Variants in SNAPC1 observed in about 807,000 individuals in gnomAD.
The protein encoded by SNAPC1 is snRNA-activating protein complex subunit 1.
A neutral mutation model predicts 50.1 loss-of-function variants in SNAPC1; 42 were observed. That is an observed-to-expected ratio of 0.84 (90% CI 0.65 to 1.08). The LOEUF (loss-of-function observed/expected upper bound fraction) is 1.08, where lower values mean the gene tolerates loss of function less well. Ranked by LOEUF, SNAPC1 falls within the 50% of genes least tolerant of loss-of-function variation. The pLI, the probability that SNAPC1 is intolerant of heterozygous loss-of-function variation, is 0.00. For missense variants in SNAPC1, 477 were observed against 427.3 expected (o/e 1.12, Z -1.02); for synonymous variants, 164 against 144.2 (o/e 1.14, Z -0.98).
chr14:61,778,108 GA>G lies in SNAPC1; in HGVS notation c.736del (p.Met246TrpfsTer17). Reference sequence around the variant, plus strand: ...AAAGTCAAAAACTAATGATGGAGAAGAAAAAATGGAAGGAAATTCACAAGAA... The same window carrying G: ...AAAGTCAAAAACTAATGATGGAGAAGAAAAATGGAAGGAAATTCACAAGAA... ...SLKSKTNDGE[E>X]KMEGNSQETE... On this transcript the variant is annotated frameshift_variant, in exon 6 of 10. Coordinates refer to ENST00000216294, the MANE Select transcript of SNAPC1 (RefSeq NM_003082.4). LOFTEE classifies it high-confidence loss of function. 6.2e-7 allele frequency: 1 copy of G among 1,603,274 alleles called. No homozygotes were observed. The highest frequency in any genetic ancestry group is 8.5e-7 in the Non-Finnish European group (1 of 1,174,608).
At chr14:61,790,890 C>G (rs1401569216) in intron 8 of SNAPC1, among the ~76,000 whole-genome samples, 1 of 152,176 alleles carries the variant, frequency 6.6e-6, no homozygotes, top group Non-Finnish European at 1.5e-5. Context: ...CAGTAGTGGT[C>G]TATTACTGAT....
At chr14:61,784,224 T>C (rs2045098784) in intron 8 of SNAPC1, among the ~76,000 whole-genome samples, 1 of 152,182 alleles carries the variant, frequency 6.6e-6, no homozygotes, top group South Asian at 2.1e-4. Context: ...CTAAAGGATA[T>C]TGTGAAGAAA....
chr14:61,769,054 C>G, intron 4 of SNAPC1, among the ~76,000 whole-genome samples: 1 of 152,058 alleles, frequency 6.6e-6, no homozygotes, highest in Non-Finnish European at 1.5e-5. Flanking sequence ...ACTTTACTTA[C>G]TTTTTTAAAA....
intron 8 of SNAPC1, among the ~76,000 whole-genome samples, chr14:61,792,073 A>G (rs369745653): frequency 6.6e-6 from 1 of 151,326 alleles, no homozygotes; most frequent in African/African-American, 2.4e-5. Context: ...ACTGCACTGC[A>G]GCCTGGGTGA....
At chr14:61,769,226 C>T (rs1034290561) in intron 4 of SNAPC1, among the ~76,000 whole-genome samples, 6 of 151,704 alleles carry the variant, frequency 4.0e-5, no homozygotes, top group Admixed American at 1.3e-4. Context: ...GGCATGGTGG[C>T]GCACGTCTGT....
At chr14:61,763,614 G>A (rs2044925430) in intron 1 of SNAPC1, among the ~76,000 whole-genome samples, 1 of 151,804 alleles carries the variant, frequency 6.6e-6, no homozygotes, top group South Asian at 2.1e-4. Flanking sequence ...ACATCCTCGG[G>A]GGAAGTCTTT....
chr14:61,775,517 G>T (rs2045029105), intron 4 of SNAPC1, among the ~76,000 whole-genome samples: 1 of 152,132 alleles, frequency 6.6e-6, no homozygotes, highest in South Asian at 2.1e-4. Context: ...GCCTCCCAAA[G>T]TGCTGGGATT....
At chr14:61,780,888 GA>G (rs57019673) in intron 7 of SNAPC1, among the ~76,000 whole-genome samples, 4 of 149,592 alleles carry the variant, frequency 2.7e-5, no homozygotes, top group African/African-American at 4.9e-5. Flanking sequence ...GAAAATATTT[GA>G]AAAAAAAAAT....
intron 1 of SNAPC1, among the ~76,000 whole-genome samples, chr14:61,765,307 C>A (rs958899895): frequency 1.3e-5 from 2 of 152,164 alleles, no homozygotes; most frequent in African/African-American, 4.8e-5. Context: ...AGACACGTCT[C>A]AGTTAATTTA....
intron 8 of SNAPC1, among the ~76,000 whole-genome samples, chr14:61,788,068 TAA>T (rs2045127513): frequency 4.6e-5 from 3 of 65,078 alleles, no homozygotes; most frequent in South Asian, 1.3e-3. Flanking sequence ...TCACCAATCA[TAA>T]TTAGTTGCTG....
rs1479823225 is a variant in SNAPC1 at position 61,792,895 on chromosome 14, T to C, written c.1065T>C (p.Ser355=). 1.3e-6 allele frequency: 2 copies of C among 1,588,228 alleles called. No homozygotes were observed. The highest frequency in any genetic ancestry group is 1.1e-5 in the South Asian group (1 of 89,244). The change falls in exon 9 of 10, where the codon AGT becomes AGC. Residue 355 remains serine (S), a synonymous_variant. Coordinates refer to ENST00000216294, the MANE Select transcript of SNAPC1 (RefSeq NM_003082.4). ...AAGAAGAAGAGAATGAAAGTTTGAG[T>C]GGAACAGGTACAGATAAAATTTGGT... ...ITEEEENESL[S]GTEFTASKKR... is the part of the protein sequence containing the mutation.
At chr14:61,776,498 C>T (rs2045036353) in intron 5 of SNAPC1, among the ~76,000 whole-genome samples, 2 of 151,566 alleles carry the variant, frequency 1.3e-5, no homozygotes, top group Non-Finnish European at 2.9e-5. Context: ...TCTTGTTATA[C>T]CTCAGATTTA....
At position 61,768,611 on chromosome 14, in the gene SNAPC1, T is replaced by TA. The variant is rs749565985; in HGVS notation, c.430-20dup. On this transcript the variant is annotated intron_variant, in intron 3 of 9. Transcript: ENST00000216294. Reference sequence around the variant, plus strand: ...CAATACTGTTTAAAAGATACTCATTTAAAAAGACACGTATTATCACATAGC... The same window carrying TA: ...CAATACTGTTTAAAAGATACTCATTTAAAAAAGACACGTATTATCACATAGC... 3.1e-5 allele frequency: 38 copies of TA among 1,226,116 alleles called. No homozygotes were observed. The African/African-American group carries it at 5.1e-4, about 16-fold the overall frequency. The allele number at this position is 1,226,116 out of a possible 1,614,324, so 76.0% of individuals were successfully genotyped here.
intron 3 of SNAPC1, among the ~76,000 whole-genome samples, chr14:61,767,636 G>A (rs1014273259): frequency 6.6e-6 from 1 of 151,964 alleles, no homozygotes; most frequent in Non-Finnish European, 1.5e-5. Flanking sequence ...GCTAATTTTT[G>A]TATTTTTAGT....
chr14:61,768,616 A>G lies in SNAPC1; in HGVS notation c.430-20A>G, dbSNP rs2044965822. 8.0e-7 allele frequency: 1 copy of G among 1,251,906 alleles called. No homozygotes were observed. The highest frequency in any genetic ancestry group is 1.5e-5 in the African/African-American group (1 of 66,890). The allele number at this position is 1,251,906 out of a possible 1,614,324, so 77.5% of individuals were successfully genotyped here. On this transcript the variant is annotated intron_variant, in intron 3 of 9. Transcript: ENST00000216294. ...CTGTTTAAAAGATACTCATTTAAAAAGACACGTATTATCACATAGCTGTCA... is the reference window on the plus strand; with the variant it reads ...CTGTTTAAAAGATACTCATTTAAAAGGACACGTATTATCACATAGCTGTCA...
intron 8 of SNAPC1, among the ~76,000 whole-genome samples, chr14:61,782,664 C>CTT (rs2045084971): frequency 6.6e-6 from 1 of 152,158 alleles, no homozygotes; most frequent in Admixed American, 6.5e-5. Flanking sequence ...AATCCCAGCA[C>CTT]TTTGAGAGGC....
intron 8 of SNAPC1, among the ~76,000 whole-genome samples, chr14:61,783,528 G>GCT (rs1261440363): frequency 8.2e-5 from 9 of 110,134 alleles, no homozygotes; most frequent in African/African-American, 3.2e-4. Flanking sequence ...GTTTGGTTTG[G>GCT]TTTTTTTTTT....
intron 8 of SNAPC1, among the ~76,000 whole-genome samples, chr14:61,791,660 C>T (rs893077378): frequency 2.0e-5 from 3 of 152,076 alleles, no homozygotes; most frequent in African/African-American, 7.2e-5. Flanking sequence ...CCAGCCTGGC[C>T]AGCATGGTGG....
At chr14:61,785,526 A>G (rs1004654335) in intron 8 of SNAPC1, among the ~76,000 whole-genome samples, 32 of 152,294 alleles carry the variant, frequency 2.1e-4, no homozygotes, top group African/African-American at 6.3e-4. Context: ...TAGAAAGTTT[A>G]TTTTGCCTGG....
Sources: allele counts gnomAD v4.1 joint callset (sites outside exome capture counted in the v4.1 genomes callset), GRCh38; gene constraint gnomAD v4.1.1; transcripts MANE v1.5; gene names NCBI Gene and HGNC (gene_info 2026-07-23, HGNC 2026-07-21).